The following CHCHD6 variants were observed in gnomAD, a reference collection of about 807,000 sequenced individuals.
CHCHD6 encodes coiled-coil-helix-coiled-coil-helix domain containing 6, also known as MICOS complex subunit MIC25.
A neutral mutation model predicts 32.3 loss-of-function variants in CHCHD6; 28 were observed. The ratio of observed to expected loss-of-function variants is 0.87; its 90% CI spans 0.64 to 1.19. The LOEUF (loss-of-function observed/expected upper bound fraction) is 1.19. CHCHD6 is among the 50% of genes most tolerant of loss of function. The pLI is 0.00. For missense variants in CHCHD6, 333 were observed against 307.0 expected, an observed-to-expected ratio of 1.08 and a Z score of -0.63; for synonymous variants, 122 against 117.5, an observed-to-expected ratio of 1.04 and a Z score of -0.25.
intron 4 of CHCHD6, among the ~76,000 whole-genome samples, chr3:126,794,261 C>T (rs1312020814): frequency 6.7e-6 from 1 of 150,102 alleles, no homozygotes; most frequent in Non-Finnish European, 1.5e-5. Flanking sequence ...ATTTTTGTTC[C>T]AAACTATCAT....
At chr3:126,807,263 A>C (rs1265754148) in intron 4 of CHCHD6, among the ~76,000 whole-genome samples, 2 of 152,132 alleles carry the variant, frequency 1.3e-5, no homozygotes, top group African/African-American at 4.8e-5. Flanking sequence ...ACAGAGAAAA[A>C]AGGAACTCAG....
chr3:126,797,873 A>G (rs1244657106), intron 4 of CHCHD6, among the ~76,000 whole-genome samples: 1 of 152,132 alleles, frequency 6.6e-6, no homozygotes, highest in Non-Finnish European at 1.5e-5. Flanking sequence ...GTCTGCGTGA[A>G]AAGGAAGAAG....
chr3:126,952,425 T>G (rs985567085), intron 6 of CHCHD6, among the ~76,000 whole-genome samples: 6 of 152,148 alleles, frequency 3.9e-5, no homozygotes, highest in African/African-American at 1.4e-4. Flanking sequence ...CAGCAGGTCT[T>G]GAGCTGGGCA....
chr3:126,731,934 TG>T (rs1935821707), intron 3 of CHCHD6, among the ~76,000 whole-genome samples: 1 of 151,738 alleles, frequency 6.6e-6, no homozygotes, highest in African/African-American at 2.4e-5. Context: ...AAACGTTAAC[TG>T]GGGGGTAGTA....
intron 6 of CHCHD6, among the ~76,000 whole-genome samples, chr3:126,937,879 G>A (rs570718626): frequency 1.2e-4 from 18 of 152,218 alleles, no homozygotes; most frequent in African/African-American, 3.6e-4. Context: ...TGGGGGAGCG[G>A]GATTTCAATA....
intron 4 of CHCHD6, among the ~76,000 whole-genome samples, chr3:126,815,294 G>A (rs1021951956): frequency 6.6e-6 from 1 of 152,182 alleles, no homozygotes; most frequent in Non-Finnish European, 1.5e-5. Context: ...CCCAGTGGAT[G>A]TCTCTCTGAG....
At chr3:126,855,308 A>T (rs1941625597) in intron 5 of CHCHD6, among the ~76,000 whole-genome samples, 1 of 152,182 alleles carries the variant, frequency 6.6e-6, no homozygotes, top group Non-Finnish European at 1.5e-5. Flanking sequence ...CAATTCAGTC[A>T]CTGTGCCTCC....
intron 5 of CHCHD6, among the ~76,000 whole-genome samples, chr3:126,885,911 G>A (rs538397372): frequency 6.6e-6 from 1 of 152,208 alleles, no homozygotes; most frequent in African/African-American, 2.4e-5. Context: ...AGAATTCCCA[G>A]GATGAGAAGT....
rs560831431 is a variant in CHCHD6, at chr3:126,907,846, T to C, written c.496-6834T>C. ...TTCTACGTGGAACCATGTGCTGGCA[T>C]CTGCGTGGCCTTTGGTTTGTTATTT... On this transcript the variant is annotated intron_variant, in intron 5 of 7. Coordinates refer to ENST00000290913, the MANE Select transcript of CHCHD6 (RefSeq NM_032343.3). 3.9e-5 allele frequency among the ~76,000 whole-genome samples: 6 copies of C among 152,320 alleles called. No individual in the cohort carries two copies. The East Asian group carries it at 1.2e-3, about 29-fold the overall frequency.
In CHCHD6 at chr3:126,704,325, G is replaced by A. The variant is rs765933839; in HGVS notation, c.13G>A (p.Glu5Lys). Residue 5 changes from glutamate to lysine, a missense_variant, in exon 1 of 8, where the codon GAG (glutamate) becomes AAG (lysine). Coordinates refer to ENST00000290913, the MANE Select transcript of CHCHD6 (RefSeq NM_032343.3). ...GCGGCATCTCGCCATGGGGAGCACG[G>A]AGAGCAGCGAGGGCCGCAGGGTGTC... MGSTESSEGRRVSFG... is the reference protein window; with the variant it reads MGSTKSSEGRRVSFG... 28 of 1,603,684 alleles carry A rather than the reference G, an allele frequency of 1.7e-5. No homozygotes were observed. Among genetic ancestry groups the A allele is most frequent in the African/African-American group, 4.0e-5 (3 of 74,752 alleles).
intron 4 of CHCHD6, among the ~76,000 whole-genome samples, chr3:126,793,773 A>T (rs1938663550): frequency 1.3e-5 from 2 of 152,080 alleles, no homozygotes; most frequent in Non-Finnish European, 2.9e-5. Context: ...TCTTTTAACA[A>T]TTGGAGCAGG....
chr3:126,818,912 C>T (rs1357455683), intron 4 of CHCHD6, among the ~76,000 whole-genome samples: 1 of 152,184 alleles, frequency 6.6e-6, no homozygotes, highest in African/African-American at 2.4e-5. Context: ...ACTGCATCTG[C>T]TCCTAGGCCT....
chr3:126,814,949 G>A (rs1436753394), intron 4 of CHCHD6, among the ~76,000 whole-genome samples: 1 of 152,112 alleles, frequency 6.6e-6, no homozygotes, highest in African/African-American at 2.4e-5. Flanking sequence ...AGGTAATGTT[G>A]GAATAGAATT....
At chr3:126,926,615 G>T (rs980160322) in intron 6 of CHCHD6, among the ~76,000 whole-genome samples, 1 of 152,178 alleles carries the variant, frequency 6.6e-6, no homozygotes, top group African/African-American at 2.4e-5. Context: ...AGGCATGCTG[G>T]TCAAGAAGCA....
At chr3:126,865,584 C>G in intron 5 of CHCHD6, 1 of 985,364 alleles carries the variant, frequency 1.0e-6, no homozygotes, top group Non-Finnish European at 1.2e-6. Context: ...CTCCCTCTTC[C>G]TCTACCACCT....
chr3:126,788,844 T>G (rs955853424), intron 4 of CHCHD6, among the ~76,000 whole-genome samples: 12 of 152,322 alleles, frequency 7.9e-5, no homozygotes, highest in African/African-American at 2.9e-4. Context: ...TGATCTTAGT[T>G]ATTTCTTGCC....
intron 4 of CHCHD6, among the ~76,000 whole-genome samples, chr3:126,846,037 C>G (rs1056964688): frequency 2.6e-5 from 4 of 152,176 alleles, no homozygotes; most frequent in Non-Finnish European, 5.9e-5. Flanking sequence ...CCTGTTTCCC[C>G]TGCAGCACCA....
rs78847890 is a variant in CHCHD6 at position 126,953,206 on chromosome 3, G to A, written c.567-4210G>A. 8.1e-3 allele frequency: 7,268 copies of A among 893,650 alleles called. 451 individuals carry two copies. In the African/African-American group the frequency reaches 0.12, roughly 15 times the overall value. The allele number at this position is 893,650 out of a possible 1,614,324, so 55.4% of individuals were successfully genotyped here. A position where few individuals can be genotyped will look rare whatever the true frequency, so the allele number is the denominator to read the frequency against. ...CCAGGTTTGTCTGATCCCAGAACCT[G>A]TGTTCTTTCCACTAGACCAAGAGTC... On this transcript the variant is annotated intron_variant, in intron 6 of 7. Transcript: ENST00000290913.
chr3:126,864,855 T>TTCCTCCTCCACCATCATCTCC (rs1942197883), intron 5 of CHCHD6, among the ~76,000 whole-genome samples: 1 of 20,372 alleles, frequency 4.9e-5, no homozygotes, highest in Non-Finnish European at 8.4e-5. Flanking sequence ...TCATCTCCTC[T>TTCCTCCTCCACCATCATCTCC]TCCTCCTCCA....
Sources: allele counts gnomAD v4.1 joint callset (sites outside exome capture counted in the v4.1 genomes callset), GRCh38; gene constraint gnomAD v4.1.1; transcripts MANE v1.5; gene names NCBI Gene and HGNC (gene_info 2026-07-23, HGNC 2026-07-21).